The following LHX6 variants were observed in gnomAD, a reference collection of about 807,000 sequenced individuals.
LHX6 encodes LIM homeobox 6, also known as LIM/homeobox protein Lhx6.
Under a neutral mutation model 47.1 loss-of-function variants are expected in LHX6, and 15 were observed. The ratio of observed to expected loss-of-function variants is 0.32; its 90% CI spans 0.21 to 0.49. LHX6 has a LOEUF of 0.49. Ranked by LOEUF, LHX6 falls within the 20% of genes least tolerant of loss-of-function variation. The pLI is 0.99. For synonymous variants in LHX6, 242 were observed against 233.5 expected (o/e 1.04, Z -0.33); for missense variants, 404 against 539.6 (o/e 0.75, Z 2.49).
In LHX6 at chr9:122,209,678, T is replaced by A; in HGVS notation, c.1094A>T (p.Tyr365Phe). The change falls in exon 9 of 10, where the codon TAC (tyrosine) becomes TTC (phenylalanine). Residue 365 changes from tyrosine to phenylalanine, a missense_variant. Tyr to Phe is a conservative substitution (Grantham distance 22). Around this residue, in one of 7 missense-constraint regions of LHX6, gnomAD observed 127 missense variants for 116.1 expected, o/e 1.09. Coordinates refer to ENST00000394319, the MANE Select transcript of LHX6 (RefSeq NM_014368.5). ...QCGQVHCRLP[Y>F]TAPPVHLKAD... ...TTTGAGGTGGACGGGGGGTGCGGTGTAAGGCAGCCGGCAGTGCACCTGCCC... is the reference window on the plus strand; with the variant it reads ...TTTGAGGTGGACGGGGGGTGCGGTGAAAGGCAGCCGGCAGTGCACCTGCCC... 1 of 1,209,974 alleles carries A rather than the reference T, an allele frequency of 8.3e-7. No individual in the cohort carries two copies. Among genetic ancestry groups the A allele is most frequent in the Non-Finnish European group, 1.2e-6 (1 of 810,556 alleles). The allele number at this position is 1,209,974 out of a possible 1,614,324, so 75.0% of individuals were successfully genotyped here. A position where few individuals can be genotyped will look rare whatever the true frequency, so the allele number is the denominator to read the frequency against.
In LHX6 at chr9:122,226,688, CG is replaced by C; in HGVS notation, c.339+159del. ...CTCTTCTTATTTTTCAGACGGAACC[CG>C]GGGGCTCAGGCAGACCCTAAGTCTT... On this transcript the variant is annotated intron_variant, in intron 3 of 9. Transcript: ENST00000394319. The surrounding 1 kb of genome is among the most constrained non-coding windows in gnomAD (Gnocchi z 6.5). 10 of 1,211,782 alleles carry C rather than the reference CG, an allele frequency of 8.3e-6. No individual in the cohort carries two copies. The South Asian group carries it at 9.5e-5, about 11-fold the overall frequency. 75.1% of individuals were successfully genotyped at this position (1,211,782 alleles called of 1,614,324 possible).
chr9:122,218,788 G>A (rs904071001), intron 4 of LHX6, among the ~76,000 whole-genome samples: 3 of 152,046 alleles, frequency 2.0e-5, no homozygotes, highest in African/African-American at 7.3e-5. Context: ...ATGTGTCCCA[G>A]TCAGCCACAA....
chr9:122,204,799 G>C lies in LHX6; in HGVS notation c.1159-19C>G, dbSNP rs774188539. 8 of 1,564,722 alleles carry C rather than the reference G, an allele frequency of 5.1e-6. No individual in the cohort carries two copies. The highest frequency in any genetic ancestry group is 1.7e-4 in the Middle Eastern group (1 of 5,934). On this transcript the variant is annotated intron_variant, in intron 9 of 9. Coordinates refer to ENST00000394319, the MANE Select transcript of LHX6 (RefSeq NM_014368.5). ...GGATGACCTGCAAGAGGAGGGCATG[G>C]GAGGTGGCTGAGCTGGGGGCCTGCC...
In LHX6 at chr9:122,217,037, G is replaced by T; in HGVS notation, c.682+31C>A. The stretch of plus-strand genomic sequence containing the variant: ...GGGGTGGGGTGGGAAAGGGCTGGGG[G>T]CAGAGGTGCCAGGCGGAGCAGGTTG... On this transcript the variant is annotated intron_variant, in intron 5 of 9. Transcript: ENST00000394319. This position sits in a 1 kb window ranked among gnomAD's most constrained non-coding sequence, Gnocchi z 4.9. 2 of 1,589,030 alleles carry T rather than the reference G, an allele frequency of 1.3e-6. No homozygotes were observed. The highest frequency in any genetic ancestry group is 1.7e-6 in the Non-Finnish European group (2 of 1,157,940).
chr9:122,227,115 G>A, intron 2 of LHX6, 85 bp from the exon 3 acceptor site: 2 of 1,276,278 alleles, frequency 1.6e-6, no homozygotes, highest in South Asian at 3.1e-5. Flanking sequence ...GGGCCCCCGA[G>A]CACCAATTGA....
rs1375962945 is a variant in LHX6, at chr9:122,209,620, A to T, written c.1152T>A (p.Gly384=). Residue 384 remains glycine, a synonymous_variant, in exon 9 of 10, where the codon GGT becomes GGA. Transcript: ENST00000394319. ...CCAACCTGGCTCCATTTACCTTCTCACCCCGGTTGGAGAGCGGCCCATCCA... is the reference window on the plus strand; with the variant it reads ...CCAACCTGGCTCCATTTACCTTCTCTCCCCGGTTGGAGAGCGGCCCATCCA... ...ADMDGPLSNR[G]EKVILFQY is the part of the protein sequence containing the mutation. The T allele has an allele frequency of 1.2e-6, 2 of 1,610,472 alleles. No individual in the cohort carries two copies. Among genetic ancestry groups the T allele is most frequent in the Non-Finnish European group, 1.7e-6 (2 of 1,177,020 alleles).
chr9:122,228,651 G>A lies in LHX6; in HGVS notation c.84+6C>T. ...GGGCCGCTCACCCAGTCGTTCGCCG[G>A]CTCACCTGGTCGGTGGCGGGGCCGC... On this transcript the variant is annotated splice_donor_region_variant and intron_variant, in intron 1 of 9. Coordinates refer to ENST00000394319, the MANE Select transcript of LHX6 (RefSeq NM_014368.5). 7.6e-7 allele frequency: 1 copy of A among 1,307,382 alleles called. No homozygotes were observed. The highest frequency in any genetic ancestry group is 9.7e-7 in the Non-Finnish European group (1 of 1,031,022). 81.0% of individuals were successfully genotyped at this position (1,307,382 alleles called of 1,614,324 possible). A position where few individuals can be genotyped will look rare whatever the true frequency, so the allele number is the denominator to read the frequency against.
In LHX6 at chr9:122,217,806, C is replaced by T. The variant is rs1006505897; in HGVS notation, c.462-518G>A. Among the ~76,000 whole-genome samples, 1 of 152,186 alleles carries T rather than the reference C, an allele frequency of 6.6e-6. No individual in the cohort carries two copies. Among genetic ancestry groups the T allele is most frequent in the Admixed American group, 6.5e-5 (1 of 15,280 alleles). On this transcript the variant is annotated intron_variant, in intron 4 of 9. Coordinates refer to ENST00000394319, the MANE Select transcript of LHX6 (RefSeq NM_014368.5). The surrounding 1 kb of genome is among the most constrained non-coding windows in gnomAD (Gnocchi z 4.9). Reference sequence around the variant, plus strand: ...AATATAAGCTATAGCGCCAGCTGTACAGAAGTGCAGTTTCTTAGATGAACA... The same window carrying T: ...AATATAAGCTATAGCGCCAGCTGTATAGAAGTGCAGTTTCTTAGATGAACA...
intron 4 of LHX6, among the ~76,000 whole-genome samples, chr9:122,219,079 TTG>T (rs1405263001): frequency 6.6e-6 from 1 of 152,210 alleles, no homozygotes; most frequent in African/African-American, 2.4e-5. Context: ...TCGGAATCGC[TTG>T]TGTGTGCACG....
Position 122,217,172 on chromosome 9 carries a change from C to A in LHX6, c.578G>T (p.Arg193Leu). 6.2e-7 allele frequency: 1 copy of A among 1,614,250 alleles called. No individual in the cohort carries two copies. The highest frequency in any genetic ancestry group is 8.5e-7 in the Non-Finnish European group (1 of 1,180,034). The part of the protein sequence containing the change: ...LACFACFSCK[R>L]QLSTGEEFGL... The stretch of plus-strand genomic sequence containing the variant: ...GAACTCCTCACCAGTGGACAGCTGG[C>A]GCTTGCACGAGAAGCAGGCGAAGCA... The change falls in exon 5 of 10, where the codon CGC becomes CTC. Residue 193 changes from arginine to leucine, a missense_variant. By Grantham distance (102) the Arg-to-Leu change is moderately radical. This residue lies in a region of LHX6 where 12 missense variants were observed against 61.9 expected (regional missense o/e 0.19). Transcript: ENST00000394319. This position sits in a 1 kb window ranked among gnomAD's most constrained non-coding sequence, Gnocchi z 4.9.
intron 9 of LHX6, among the ~76,000 whole-genome samples, chr9:122,204,995 ATC>A (rs1830118510): frequency 6.6e-6 from 1 of 152,114 alleles, no homozygotes; most frequent in African/African-American, 2.4e-5. Flanking sequence ...GGATGACAAA[ATC>A]TCTCTCTGAG....
intron 4 of LHX6, among the ~76,000 whole-genome samples, chr9:122,218,747 C>A (rs1443617404): frequency 2.6e-5 from 4 of 152,144 alleles, no homozygotes; most frequent in Non-Finnish European, 5.9e-5. Context: ...TCCTCCCTAA[C>A]CTTCAAGATA....
At chr9:122,208,783 C>T (rs550177745) in intron 9 of LHX6, among the ~76,000 whole-genome samples, 5 of 147,140 alleles carry the variant, frequency 3.4e-5, no homozygotes, top group Non-Finnish European at 5.9e-5. Flanking sequence ...TGCAGTGAGC[C>T]GAGATTGCGC....
chr9:122,211,005 G>A (rs901876068), intron 8 of LHX6, among the ~76,000 whole-genome samples: 2 of 152,202 alleles, frequency 1.3e-5, no homozygotes, highest in African/African-American at 4.8e-5. Flanking sequence ...AGTGAGGCAT[G>A]GCATTTAGTA....
Position 122,203,288 on chromosome 9 carries a change from A to G in LHX6, c.*1472T>C, listed in dbSNP as rs1156718919. 1 of 152,618 alleles carries G rather than the reference A, an allele frequency of 6.6e-6. No individual in the cohort carries two copies. The highest frequency in any genetic ancestry group is 1.9e-4 in the East Asian group (1 of 5,202). The allele number at this position is 152,618 out of a possible 1,614,324, so 9.5% of individuals were successfully genotyped here. A position where few individuals can be genotyped will look rare whatever the true frequency, so the allele number is the denominator to read the frequency against. On this transcript the variant is annotated 3_prime_UTR_variant, in exon 10 of 10. Coordinates refer to ENST00000394319, the MANE Select transcript of LHX6 (RefSeq NM_014368.5). Reference sequence around the variant, plus strand: ...AAACCTTATCCAGACTCAGTGAAATAGAGCTGCCATTGATTAGCAATGTCT... The same window carrying G: ...AAACCTTATCCAGACTCAGTGAAATGGAGCTGCCATTGATTAGCAATGTCT...
chr9:122,221,065 G>A (rs1830833724), intron 4 of LHX6: 1 of 985,046 alleles, frequency 1.0e-6, no homozygotes, highest in Non-Finnish European at 1.2e-6. Context: ...ATTGAGCCGA[G>A]AGGCCGAAAC....
rs756543417 is a variant in LHX6 at position 122,228,680 on chromosome 9, C to T, written c.61G>A (p.Glu21Lys). 1.6e-6 allele frequency: 2 copies of T among 1,288,940 alleles called. No homozygotes were observed. The highest frequency in any genetic ancestry group is 2.0e-6 in the Non-Finnish European group (2 of 1,018,832). 79.8% of individuals were successfully genotyped at this position (1,288,940 alleles called of 1,614,324 possible). A position where few individuals can be genotyped will look rare whatever the true frequency, so the allele number is the denominator to read the frequency against. ...ACCTGGTCGGTGGCGGGGCCGCCCT[C>T]GGCCGGCAGCCGGCAGCCCTCGGGC... ...ALPEGCRLPA[E>K]GGPATDQVMA... is the part of the protein sequence containing the mutation. Residue 21 changes from glutamate (E) to lysine (K), a missense_variant, in exon 1 of 10, where the codon GAG becomes AAG. Transcript: ENST00000394319.
chr9:122,221,027 T>G, intron 4 of LHX6: 1 of 950,830 alleles, frequency 1.1e-6, no homozygotes, highest in East Asian at 1.2e-4. Flanking sequence ...AACCTCAGAG[T>G]GGAAACGCCA....
In LHX6 at chr9:122,225,466, G is replaced by C. The variant is rs534385162; in HGVS notation, c.461+910C>G. ...AGGTCCGGGCTTCATGGCTAGAAGC[G>C]AGGCCCAGGCGAGTGGCCAAGACGC... On this transcript the variant is annotated intron_variant, in intron 4 of 9. Transcript: ENST00000394319. Among the ~76,000 whole-genome samples, 24 of 152,380 alleles carry C rather than the reference G, an allele frequency of 1.6e-4. No individual in the cohort carries two copies. The East Asian group carries it at 4.2e-3, about 27-fold the overall frequency.
Sources: allele counts gnomAD v4.1 joint callset (sites outside exome capture counted in the v4.1 genomes callset), GRCh38; gene constraint gnomAD v4.1.1; regional missense constraint gnomAD v4.1.1; non-coding constraint Gnocchi (gnomAD v3.1); transcripts MANE v1.5; gene names NCBI Gene and HGNC (gene_info 2026-07-23, HGNC 2026-07-21).